CSMD1: variants seen among roughly 807,000 people sequenced by gnomAD.
CSMD1 encodes the protein CUB and Sushi multiple domains 1.
Under a neutral mutation model 417.5 loss-of-function variants are expected in CSMD1, and 213 were observed. The ratio of observed to expected loss-of-function variants is 0.51; its 90% confidence interval spans 0.46 to 0.57. CSMD1 has a LOEUF of 0.57. Ranked by LOEUF, CSMD1 falls within the 20% of genes least tolerant of loss-of-function variation. CSMD1 has a pLI of 0.00. For missense variants in CSMD1, 6,923 were observed against 4,529.7 expected (o/e 1.53, Z -15.17); for synonymous variants, 2,862 against 1,736.8 (o/e 1.65, Z -16.11).
At chr8:3,520,756 G>A (rs553607014) in intron 10 of CSMD1, among the ~76,000 whole-genome samples, 1 of 151,944 alleles carries the variant, frequency 6.6e-6, no homozygotes, top group South Asian at 2.1e-4. Context: ...AATGACACTT[G>A]CTTATCACCA....
chr8:3,665,284 C>G (rs1798627660), intron 7 of CSMD1, among the ~76,000 whole-genome samples: 1 of 152,138 alleles, frequency 6.6e-6, no homozygotes, highest in Admixed American at 6.5e-5. Context: ...AATCCCAGCA[C>G]TTTAGGAGGC....
chr8:3,912,908 G>C (rs1249156373), intron 5 of CSMD1, among the ~76,000 whole-genome samples: 1 of 152,214 alleles, frequency 6.6e-6, no homozygotes, highest in Non-Finnish European at 1.5e-5. Flanking sequence ...TTAATCAGCA[G>C]CTATGGTGGT....
intron 3 of CSMD1, among the ~76,000 whole-genome samples, chr8:4,292,287 C>G (rs1397511339): frequency 6.6e-6 from 1 of 152,156 alleles, no homozygotes; most frequent in African/African-American, 2.4e-5. Flanking sequence ...GAGTCTCGCT[C>G]TGTCGCCCAG....
intron 1 of CSMD1, among the ~76,000 whole-genome samples, chr8:4,678,277 G>A (rs1053252363): frequency 6.6e-6 from 1 of 151,918 alleles, no homozygotes; most frequent in African/African-American, 2.4e-5. Flanking sequence ...CAGGTGTGGT[G>A]GCACGCACCT....
intron 6 of CSMD1, among the ~76,000 whole-genome samples, chr8:3,734,786 C>G (rs1263637671): frequency 6.6e-6 from 1 of 152,238 alleles, no homozygotes; most frequent in South Asian, 2.1e-4. Flanking sequence ...TCTCTGCTCT[C>G]TGCAACTGGG....
chr8:4,310,963 T>G (rs1467656977), intron 3 of CSMD1, among the ~76,000 whole-genome samples: 1 of 152,210 alleles, frequency 6.6e-6, no homozygotes, highest in African/African-American at 2.4e-5. Flanking sequence ...TACTATCTCC[T>G]ACCAGTCGGA....
chr8:3,806,166 A>C (rs1800728264), intron 5 of CSMD1, among the ~76,000 whole-genome samples: 1 of 152,166 alleles, frequency 6.6e-6, no homozygotes, highest in Admixed American at 6.5e-5. Flanking sequence ...AACCCATCAT[A>C]TAAGATACCT....
At position 3,516,222 on chromosome 8, in the gene CSMD1, T is replaced by C. The variant is rs150577089; in HGVS notation, c.1345-22496A>G. Among the ~76,000 whole-genome samples the C allele has an allele frequency of 1.9e-3, 286 of 152,340 alleles. 2 individuals are homozygous for C. The highest frequency in any genetic ancestry group is 6.3e-3 in the African/African-American group (264 of 41,576). On this transcript the variant is annotated intron_variant, in intron 10 of 69. Transcript: ENST00000635120. ...AATATAACTGTCCTGGAAAGGGACA[T>C]TCTGCAGCACTTGCAAAACCTAAGA...
At chr8:4,994,229 C>A in intron 1 of CSMD1, 103 bp downstream of exon 1, 2 of 976,788 alleles carry the variant, frequency 2.0e-6, no homozygotes, top group South Asian at 2.9e-5. Context: ...CGGGCAGAGG[C>A]GGCCACTCCG....
chr8:4,309,043 C>T (rs11779272), intron 3 of CSMD1, among the ~76,000 whole-genome samples: 96,282 of 151,978 alleles, frequency 0.63, 31,480 homozygotes, highest in East Asian at 0.86. Context: ...TGTCATTCTT[C>T]ACACCTATAT....
chr8:4,227,099 T>A (rs1418777661), intron 3 of CSMD1, among the ~76,000 whole-genome samples: 1 of 152,200 alleles, frequency 6.6e-6, no homozygotes, highest in Non-Finnish European at 1.5e-5. Flanking sequence ...CCTGAGGTCT[T>A]TTCTGGGAAG....
intron 1 of CSMD1, among the ~76,000 whole-genome samples, chr8:4,735,543 A>G (rs1485077120): frequency 6.6e-6 from 1 of 152,168 alleles, no homozygotes; most frequent in Non-Finnish European, 1.5e-5. Flanking sequence ...TCACCTTTTT[A>G]AGGTCTCTTC....
chr8:4,982,077 A>C (rs183956713), intron 1 of CSMD1, among the ~76,000 whole-genome samples: 298 of 152,254 alleles, frequency 2.0e-3, no homozygotes, highest in African/African-American at 6.7e-3. Flanking sequence ...TTAGAAGTGG[A>C]TTCTACCCCA....
chr8:4,765,636 G>A (rs529444703), intron 1 of CSMD1, among the ~76,000 whole-genome samples: 18 of 152,318 alleles, frequency 1.2e-4, no homozygotes, highest in Admixed American at 7.2e-4. Context: ...GCAGAAAACT[G>A]CTCACTAAAG....
chr8:4,335,990 C>T (rs1035661338), intron 3 of CSMD1, among the ~76,000 whole-genome samples: 2 of 152,124 alleles, frequency 1.3e-5, no homozygotes, highest in African/African-American at 2.4e-5. Flanking sequence ...GGGTCAGCCC[C>T]GCTCACTGTC....
At chr8:3,002,564 G>A (rs1324787761) in intron 52 of CSMD1, among the ~76,000 whole-genome samples, 1 of 152,236 alleles carries the variant, frequency 6.6e-6, no homozygotes, top group African/African-American at 2.4e-5. Flanking sequence ...CAATAGTGAT[G>A]TGAAAAGGGG....
At chr8:2,962,891 T>C (rs2128926665) in intron 60 of CSMD1, among the ~76,000 whole-genome samples, 1 of 152,068 alleles carries the variant, frequency 6.6e-6, no homozygotes, top group Non-Finnish European at 1.5e-5. Flanking sequence ...CTACAACAAA[T>C]ACAAAAATTA....
chr8:3,806,437 C>T (rs1800745085), intron 5 of CSMD1, among the ~76,000 whole-genome samples: 1 of 152,150 alleles, frequency 6.6e-6, no homozygotes, highest in Non-Finnish European at 1.5e-5. Context: ...CGGCCATGGC[C>T]TGAATAATGA....
chr8:3,487,909 T>C (rs1254150647), intron 11 of CSMD1, among the ~76,000 whole-genome samples: 1 of 152,148 alleles, frequency 6.6e-6, no homozygotes, highest in Non-Finnish European at 1.5e-5. Flanking sequence ...ATTTTGATAT[T>C]AATGGTTTTG....
Sources: gnomAD v4.1 joint callset for allele counts (sites outside exome capture counted in the v4.1 genomes callset) on GRCh38, gnomAD v4.1.1 for gene constraint, MANE v1.5 for transcripts, NCBI Gene and HGNC (gene_info 2026-07-23, HGNC 2026-07-21) for gene names.